SLC25A31: variants seen among roughly 807,000 people sequenced by gnomAD.
SLC25A31 encodes the protein solute carrier family 25 member 31.
SLC25A31 carries 40 observed loss-of-function variants against 36.2 expected under a neutral mutation model. That is an observed-to-expected ratio of 1.10 (90% CI 0.86 to 1.44). SLC25A31 has a LOEUF of 1.44. SLC25A31 is among the 40% of genes most tolerant of loss of function. The pLI, the probability that SLC25A31 is intolerant of heterozygous loss-of-function variation, is 0.00. For missense variants in SLC25A31, 350 were observed against 397.1 expected (o/e 0.88, Z 1.01); for synonymous variants, 143 against 149.7 (o/e 0.96, Z 0.32).
intron 1 of SLC25A31, among the ~76,000 whole-genome samples, chr4:127,738,561 T>C (rs1158107931): frequency 6.6e-6 from 1 of 152,224 alleles, no homozygotes; most frequent in Non-Finnish European, 1.5e-5. Flanking sequence ...GTTCCATGTG[T>C]AGAAGAGAAG....
intron 1 of SLC25A31, among the ~76,000 whole-genome samples, chr4:127,732,986 C>T (rs1731557941): frequency 1.3e-5 from 2 of 152,140 alleles, no homozygotes; most frequent in Non-Finnish European, 2.9e-5. Flanking sequence ...AAGATTTATC[C>T]CGCAACCTGA....
chr4:127,755,382 A>C (rs1174188363), intron 2 of SLC25A31, among the ~76,000 whole-genome samples: 1 of 152,004 alleles, frequency 6.6e-6, no homozygotes, highest in Non-Finnish European at 1.5e-5. Context: ...AATATTTGCC[A>C]AAAAAAATCT....
At chr4:127,746,801 C>T (rs1731832855) in intron 2 of SLC25A31, among the ~76,000 whole-genome samples, 1 of 152,060 alleles carries the variant, frequency 6.6e-6, no homozygotes, top group South Asian at 2.1e-4. Flanking sequence ...TCGATTTTTG[C>T]TTTTGTTGCA....
intron 2 of SLC25A31, among the ~76,000 whole-genome samples, chr4:127,759,417 G>A (rs932994985): frequency 6.6e-6 from 1 of 152,084 alleles, no homozygotes; most frequent in Non-Finnish European, 1.5e-5. Context: ...AATTACTCAT[G>A]TAATTTGACT....
chr4:127,752,689 A>C (rs1406209563), intron 2 of SLC25A31, among the ~76,000 whole-genome samples: 1 of 152,224 alleles, frequency 6.6e-6, no homozygotes, highest in Non-Finnish European at 1.5e-5. Context: ...TTACATAATG[A>C]TAAAGGGGTC....
chr4:127,763,876 T>G lies in SLC25A31; in HGVS notation c.361-367T>G, dbSNP rs148280463. ...CCTCCATATGTGCCTGACATTGTAATCATAGCAAGCACTATTATTAAGAAT... is the reference window on the plus strand; with the variant it reads ...CCTCCATATGTGCCTGACATTGTAAGCATAGCAAGCACTATTATTAAGAAT... On this transcript the variant is annotated intron_variant, in intron 2 of 5. Coordinates refer to ENST00000281154, the MANE Select transcript of SLC25A31 (RefSeq NM_031291.4). Among the ~76,000 whole-genome samples the G allele has an allele frequency of 6.8e-4, 104 of 152,062 alleles. No homozygotes were observed. The East Asian group carries it at 0.013, about 19-fold the overall frequency.
At chr4:127,754,462 C>T (rs1731992959) in intron 2 of SLC25A31, among the ~76,000 whole-genome samples, 1 of 150,430 alleles carries the variant, frequency 6.6e-6, no homozygotes, top group Non-Finnish European at 1.5e-5. Flanking sequence ...AATTAACATG[C>T]AAAAATTAGT....
At chr4:127,738,674 G>A (rs1383674370) in intron 1 of SLC25A31, among the ~76,000 whole-genome samples, 1 of 152,074 alleles carries the variant, frequency 6.6e-6, no homozygotes, top group Non-Finnish European at 1.5e-5. Context: ...TTCATTTTCT[G>A]CCTTGATGGT....
intron 2 of SLC25A31, among the ~76,000 whole-genome samples, chr4:127,757,500 G>T (rs1578666456): frequency 6.6e-6 from 1 of 152,294 alleles, no homozygotes; most frequent in East Asian, 1.9e-4. Flanking sequence ...GTATTCCGTG[G>T]TGTATATGTA....
intron 2 of SLC25A31, among the ~76,000 whole-genome samples, chr4:127,755,887 G>A (rs1426695675): frequency 6.6e-6 from 1 of 152,146 alleles, no homozygotes; most frequent in African/African-American, 2.4e-5. Context: ...ACAAAAATTA[G>A]CTGAGCGTGG....
At chr4:127,731,014 T>C (rs1731514724) in intron 1 of SLC25A31, among the ~76,000 whole-genome samples, 1 of 152,186 alleles carries the variant, frequency 6.6e-6, no homozygotes, top group African/African-American at 2.4e-5. Flanking sequence ...TGCCTTCTCT[T>C]TCTCTAAATC....
chr4:127,766,354 G>A (rs1578671971), intron 3 of SLC25A31, among the ~76,000 whole-genome samples: 2 of 151,894 alleles, frequency 1.3e-5, no homozygotes. Context: ...TTTTAATCGA[G>A]ACAGGGTTTC....
At chr4:127,754,499 C>A (rs1284828827) in intron 2 of SLC25A31, among the ~76,000 whole-genome samples, 2 of 150,108 alleles carry the variant, frequency 1.3e-5, no homozygotes, top group African/African-American at 2.5e-5. Flanking sequence ...ACAATGAATT[C>A]TTTTAACAAG....
At chr4:127,760,999 CACTTAT>C (rs10602707) in intron 2 of SLC25A31, among the ~76,000 whole-genome samples, 86,087 of 151,296 alleles carry the variant, frequency 0.57, 25,433 homozygotes, top group Middle Eastern at 0.79. Context: ...AACCAAAACT[CACTTAT>C]ACTTATATAC....
chr4:127,735,120 A>G (rs923813761), intron 1 of SLC25A31, among the ~76,000 whole-genome samples: 1 of 152,234 alleles, frequency 6.6e-6, no homozygotes, highest in Non-Finnish European at 1.5e-5. Flanking sequence ...ACCACAAGAA[A>G]AAGCTGATGC....
intron 1 of SLC25A31, among the ~76,000 whole-genome samples, chr4:127,734,751 T>G (rs1332343067): frequency 2.6e-5 from 4 of 152,022 alleles, no homozygotes; most frequent in African/African-American, 9.6e-5. Flanking sequence ...GATGCTATTT[T>G]GGGGTATGGG....
At chr4:127,734,203 A>G (rs1257100772) in intron 1 of SLC25A31, among the ~76,000 whole-genome samples, 2 of 152,246 alleles carry the variant, frequency 1.3e-5, no homozygotes, top group Non-Finnish European at 2.9e-5. Flanking sequence ...CAAAATATAC[A>G]TATGTAAATA....
At chr4:127,737,519 A>G (rs1731654480) in intron 1 of SLC25A31, among the ~76,000 whole-genome samples, 2 of 151,458 alleles carry the variant, frequency 1.3e-5, no homozygotes, top group South Asian at 4.2e-4. Flanking sequence ...GTTTATGTTC[A>G]GTACGCTAAT....
intron 2 of SLC25A31, among the ~76,000 whole-genome samples, chr4:127,747,431 G>A (rs542112742): frequency 2.0e-5 from 3 of 152,106 alleles, no homozygotes; most frequent in East Asian, 1.9e-4. Context: ...TGTCACCTCC[G>A]GAGGTGAAAG....
Sources: gnomAD v4.1 joint callset for allele counts (sites outside exome capture counted in the v4.1 genomes callset) on GRCh38, gnomAD v4.1.1 for gene constraint, MANE v1.5 for transcripts, NCBI Gene and HGNC (gene_info 2026-07-23, HGNC 2026-07-21) for gene names.